BACH2: variants seen among roughly 807,000 people sequenced by gnomAD.
BACH2 encodes BACH transcriptional regulator 2.
Under a neutral mutation model 61.8 loss-of-function variants are expected in BACH2, and 5 were observed. The ratio of observed to expected loss-of-function variants is 0.08; its 90% confidence interval spans 0.04 to 0.17. BACH2 has a LOEUF of 0.17. Among genes scored for constraint, BACH2 ranks in the 10% least tolerant of loss-of-function variants. BACH2 has a pLI of 1.00. For synonymous variants in BACH2, 446 were observed against 440.1 expected (o/e 1.01, Z -0.17); for missense variants, 824 against 1,091.1 (o/e 0.76, Z 3.45).
intron 5 of BACH2, among the ~76,000 whole-genome samples, chr6:90,077,380 G>A (rs981991996): frequency 5.3e-5 from 8 of 152,090 alleles, no homozygotes; most frequent in East Asian, 1.9e-4. Context: ...TGATTTGCTC[G>A]GCCTGAAAAG....
chr6:90,020,655 G>A (rs915370163), intron 5 of BACH2, among the ~76,000 whole-genome samples: 1 of 152,036 alleles, frequency 6.6e-6, no homozygotes, highest in Non-Finnish European at 1.5e-5. Flanking sequence ...GCTAAGACAG[G>A]TGCTCTTCTA....
At chr6:90,076,792 G>A (rs907216509) in intron 5 of BACH2, among the ~76,000 whole-genome samples, 16 of 152,020 alleles carry the variant, frequency 1.1e-4, no homozygotes, top group African/African-American at 2.2e-4. Context: ...ACCTTCCTCC[G>A]TGCCCTTCTC....
At chr6:89,993,850 T>C (rs955928803) in intron 6 of BACH2, among the ~76,000 whole-genome samples, 2 of 151,964 alleles carry the variant, frequency 1.3e-5, no homozygotes, top group Admixed American at 6.6e-5. Context: ...TTGAATAAAC[T>C]GGCTCAGAAG....
At chr6:90,192,679 A>C (rs926224172) in intron 4 of BACH2, among the ~76,000 whole-genome samples, 6 of 152,246 alleles carry the variant, frequency 3.9e-5, no homozygotes, top group Non-Finnish European at 8.8e-5. Flanking sequence ...GTTTTTGGCT[A>C]AGAGTTAAAC....
chr6:90,138,230 C>T (rs551702181), intron 4 of BACH2, among the ~76,000 whole-genome samples: 1 of 152,136 alleles, frequency 6.6e-6, no homozygotes, highest in Non-Finnish European at 1.5e-5. Flanking sequence ...AGGCTGGGCA[C>T]GGTGGCTCAC....
intron 4 of BACH2, among the ~76,000 whole-genome samples, chr6:90,173,953 C>T (rs1421047374): frequency 1.3e-5 from 2 of 152,096 alleles, no homozygotes; most frequent in East Asian, 3.8e-4. Flanking sequence ...CAAATAATAA[C>T]CCAGAAATCT....
chr6:90,282,925 T>C (rs1771901231), intron 1 of BACH2, among the ~76,000 whole-genome samples: 1 of 152,244 alleles, frequency 6.6e-6, no homozygotes, highest in Non-Finnish European at 1.5e-5. Flanking sequence ...CTTGGTTAGG[T>C]AACAGCAAAT....
intron 4 of BACH2, among the ~76,000 whole-genome samples, chr6:90,189,331 G>A (rs537565662): frequency 1.2e-4 from 19 of 152,262 alleles, no homozygotes; most frequent in African/African-American, 3.6e-4. Flanking sequence ...GCTTCCGGCC[G>A]GGCGCGGTGG....
chr6:90,198,553 C>T (rs1768843585), intron 4 of BACH2, among the ~76,000 whole-genome samples: 2 of 152,228 alleles, frequency 1.3e-5, no homozygotes, highest in East Asian at 3.8e-4. Flanking sequence ...TAATTTACCT[C>T]CTACCTCTTC....
At chr6:89,967,458 G>A (rs906058550) in intron 6 of BACH2, among the ~76,000 whole-genome samples, 2 of 152,172 alleles carry the variant, frequency 1.3e-5, no homozygotes, top group Admixed American at 6.5e-5. Flanking sequence ...TTTAGTCACC[G>A]AGGTTGCAAA....
chr6:89,988,258 T>C (rs538919708), intron 6 of BACH2, among the ~76,000 whole-genome samples: 2 of 152,336 alleles, frequency 1.3e-5, no homozygotes, highest in East Asian at 3.9e-4. Context: ...CTGAATTTCA[T>C]CACATTTATA....
chr6:90,215,728 T>C (rs1769512570), intron 3 of BACH2, among the ~76,000 whole-genome samples: 1 of 152,128 alleles, frequency 6.6e-6, no homozygotes, highest in Non-Finnish European at 1.5e-5. Context: ...ACAACTAGAA[T>C]TATGTTCTTT....
At chr6:90,145,834 G>A (rs114366259) in intron 4 of BACH2, among the ~76,000 whole-genome samples, 1,884 of 152,320 alleles carry the variant, frequency 0.012, 47 homozygotes, top group African/African-American at 0.043. Context: ...AAACACATGG[G>A]TTTAAGTAAG....
At chr6:90,212,521 C>G (rs528046137) in intron 3 of BACH2, among the ~76,000 whole-genome samples, 1 of 152,298 alleles carries the variant, frequency 6.6e-6, no homozygotes, top group South Asian at 2.1e-4. Context: ...TAACATGGTT[C>G]TGCCCCAAGA....
chr6:90,141,369 CG>C (rs1260902849), intron 4 of BACH2, among the ~76,000 whole-genome samples: 2 of 151,952 alleles, frequency 1.3e-5, no homozygotes, highest in Admixed American at 1.3e-4. Flanking sequence ...TCAGTAGAGA[CG>C]GGGTTTCACC....
In BACH2 at chr6:90,139,225, CCTTTT is replaced by C. The variant is rs765027280; in HGVS notation, c.-161-50121_-161-50117del. Among the ~76,000 whole-genome samples, 24 of 152,266 alleles carry C rather than the reference CCTTTT, an allele frequency of 1.6e-4. No individual in the cohort carries two copies. In the East Asian group the frequency reaches 3.3e-3, roughly 21 times the overall value. On this transcript the variant is annotated intron_variant, in intron 4 of 8. Coordinates refer to ENST00000257749, the MANE Select transcript of BACH2 (RefSeq NM_021813.4). ...TTTTCTCTTTTTATCCTTTCTCCAC[CCTTTT>C]CTTCTTTCTCTACGTCTTCTAGTCA...
intron 4 of BACH2, among the ~76,000 whole-genome samples, chr6:90,123,126 C>T (rs982877955): frequency 5.3e-5 from 8 of 151,432 alleles, no homozygotes; most frequent in Non-Finnish European, 1.0e-4. Context: ...ATGAAATCAT[C>T]CTGGATTACC....
intron 4 of BACH2, among the ~76,000 whole-genome samples, chr6:90,167,104 G>A (rs1039330451): frequency 1.3e-5 from 2 of 152,166 alleles, no homozygotes; most frequent in Non-Finnish European, 1.5e-5. Flanking sequence ...ACAGGAAGGA[G>A]TCTGTTTGAC....
chr6:90,246,457 G>A (rs1770640617), intron 3 of BACH2, among the ~76,000 whole-genome samples: 1 of 152,090 alleles, frequency 6.6e-6, no homozygotes, highest in Admixed American at 6.5e-5. Context: ...GGTTTCAACA[G>A]ATTTCCATAC....
Sources: allele counts gnomAD v4.1 joint callset (sites outside exome capture counted in the v4.1 genomes callset), GRCh38; gene constraint gnomAD v4.1.1; transcripts MANE v1.5; gene names NCBI Gene and HGNC (gene_info 2026-07-23, HGNC 2026-07-21).